Variants in IMMP2L observed in about 807,000 individuals in gnomAD.
IMMP2L encodes the protein inner mitochondrial membrane peptidase subunit 2, also known as mitochondrial inner membrane protease subunit 2.
In IMMP2L, 18 loss-of-function variants were observed where a neutral mutation model predicts 19.3. The observed-to-expected ratio is 0.93, with a 90% confidence interval of 0.64 to 1.38. The LOEUF is 1.38. Ranked by LOEUF, IMMP2L falls within the 40% of genes most tolerant of loss-of-function variation. IMMP2L has a pLI of 0.00. For synonymous variants in IMMP2L, 76 were observed against 73.0 expected, an observed-to-expected ratio of 1.04 and a Z score of -0.21; for missense variants, 233 against 218.2, an observed-to-expected ratio of 1.07 and a Z score of -0.43.
intron 5 of IMMP2L, among the ~76,000 whole-genome samples, chr7:110,855,859 CT>C (rs1212965480): frequency 2.6e-5 from 4 of 151,972 alleles, no homozygotes; most frequent in Non-Finnish European, 5.9e-5. Flanking sequence ...CAATCGATAT[CT>C]TAATTTATAT....
intron 5 of IMMP2L, among the ~76,000 whole-genome samples, chr7:110,778,013 T>C (rs1799506174): frequency 6.6e-6 from 1 of 151,944 alleles, no homozygotes; most frequent in Non-Finnish European, 1.5e-5. Flanking sequence ...TTGGCAGTTT[T>C]TAAGGTAGTG....
intron 5 of IMMP2L, among the ~76,000 whole-genome samples, chr7:110,750,109 T>C (rs1797629462): frequency 6.6e-6 from 1 of 152,062 alleles, no homozygotes; most frequent in Non-Finnish European, 1.5e-5. Context: ...TAAATTCAAT[T>C]TGAAATGATA....
intron 3 of IMMP2L, among the ~76,000 whole-genome samples, chr7:111,436,155 G>A (rs894206546): frequency 6.6e-5 from 10 of 151,654 alleles, no homozygotes; most frequent in African/African-American, 2.4e-4. Context: ...GCAGTCCAAT[G>A]GCGGAGGCTG....
chr7:111,103,057 T>A (rs1798151911), intron 3 of IMMP2L, among the ~76,000 whole-genome samples: 2 of 151,512 alleles, frequency 1.3e-5, no homozygotes, highest in Admixed American at 6.6e-5. Flanking sequence ...GACTTCACAG[T>A]TTTCATTTCT....
intron 3 of IMMP2L, among the ~76,000 whole-genome samples, chr7:111,075,164 T>A (rs992307693): frequency 9.0e-5 from 12 of 133,346 alleles, no homozygotes; most frequent in African/African-American, 3.4e-4. Context: ...TCTCTCTCTG[T>A]CACCCAGGCT....
At chr7:111,484,294 C>G (rs1842436667) in intron 3 of IMMP2L, among the ~76,000 whole-genome samples, 3 of 152,044 alleles carry the variant, frequency 2.0e-5, no homozygotes, top group Admixed American at 2.0e-4. Flanking sequence ...TGAATAAGCC[C>G]TACTGATTTA....
chr7:111,486,847 A>G (rs1176703025), intron 3 of IMMP2L, among the ~76,000 whole-genome samples: 1 of 152,152 alleles, frequency 6.6e-6, no homozygotes, highest in Non-Finnish European at 1.5e-5. Flanking sequence ...AATGATTTTC[A>G]TGTCATAATT....
At chr7:111,534,323 T>C (rs941830921) in intron 1 of IMMP2L, among the ~76,000 whole-genome samples, 2 of 152,088 alleles carry the variant, frequency 1.3e-5, no homozygotes, top group African/African-American at 4.8e-5. Flanking sequence ...CTGCAATCAT[T>C]AAAAAGAACA....
At chr7:111,328,760 C>T (rs1825590195) in intron 3 of IMMP2L, among the ~76,000 whole-genome samples, 1 of 151,744 alleles carries the variant, frequency 6.6e-6, no homozygotes, top group African/African-American at 2.4e-5. Context: ...AGAGTAATTG[C>T]TGCAGCAAAT....
chr7:111,216,590 TATTA>T (rs1811949480), intron 3 of IMMP2L, among the ~76,000 whole-genome samples: 1 of 152,128 alleles, frequency 6.6e-6, no homozygotes, highest in Non-Finnish European at 1.5e-5. Context: ...AGTACTCTAT[TATTA>T]ATTATATTCA....
intron 3 of IMMP2L, among the ~76,000 whole-genome samples, chr7:111,229,189 T>C (rs1813445768): frequency 6.6e-6 from 1 of 152,000 alleles, no homozygotes; most frequent in Non-Finnish European, 1.5e-5. Context: ...TATAATCAAA[T>C]AGAAACACAA....
chr7:111,478,979 A>G (rs75568185), intron 3 of IMMP2L, among the ~76,000 whole-genome samples: 3,071 of 152,274 alleles, frequency 0.02, 104 homozygotes, highest in African/African-American at 0.07. Context: ...GGGTTTATCA[A>G]AGAATACATT....
At chr7:110,673,315 A>C (rs1281682110) in intron 5 of IMMP2L, among the ~76,000 whole-genome samples, 2 of 152,204 alleles carry the variant, frequency 1.3e-5, no homozygotes, top group East Asian at 3.9e-4. Context: ...GAGGCTGCTT[A>C]GAGCAGGTAG....
At chr7:111,389,484 T>C (rs990456438) in intron 3 of IMMP2L, among the ~76,000 whole-genome samples, 1 of 151,852 alleles carries the variant, frequency 6.6e-6, no homozygotes, top group Admixed American at 6.6e-5. Context: ...AAATAGTCAC[T>C]GAAGTACTAA....
intron 2 of IMMP2L, among the ~76,000 whole-genome samples, chr7:111,491,648 G>T (rs1843115459): frequency 6.6e-6 from 1 of 152,094 alleles, no homozygotes; most frequent in African/African-American, 2.4e-5. Context: ...CACAACAGTA[G>T]GTCAGATTAT....
intron 3 of IMMP2L, among the ~76,000 whole-genome samples, chr7:111,298,053 A>G (rs1821818084): frequency 6.6e-6 from 1 of 152,050 alleles, no homozygotes; most frequent in African/African-American, 2.4e-5. Context: ...CTTATTATAT[A>G]TATTATAACT....
At chr7:110,676,057 T>A (rs937565319) in intron 5 of IMMP2L, among the ~76,000 whole-genome samples, 1 of 152,102 alleles carries the variant, frequency 6.6e-6, no homozygotes, top group Non-Finnish European at 1.5e-5. Context: ...AAGCTCAGAA[T>A]TACTAAGTAA....
intron 3 of IMMP2L, among the ~76,000 whole-genome samples, chr7:111,236,881 T>G (rs1814387109): frequency 6.6e-6 from 1 of 152,182 alleles, no homozygotes; most frequent in Admixed American, 6.5e-5. Flanking sequence ...TGATATTTAA[T>G]GTCTGAAGAC....
At chr7:111,066,183 A>G (rs1452787100) in intron 3 of IMMP2L, among the ~76,000 whole-genome samples, 1 of 151,866 alleles carries the variant, frequency 6.6e-6, no homozygotes, top group Admixed American at 6.6e-5. Context: ...GGGCTTCTCC[A>G]TATTGGCCAG....
Sources: allele counts gnomAD v4.1 joint callset (sites outside exome capture counted in the v4.1 genomes callset), GRCh38; gene constraint gnomAD v4.1.1; transcripts MANE v1.5; gene names NCBI Gene and HGNC (gene_info 2026-07-23, HGNC 2026-07-21).